ZNF804B: variants seen among roughly 807,000 people sequenced by gnomAD.
The protein encoded by ZNF804B is zinc finger protein 804B, also known as zinc finger 804B.
A neutral mutation model predicts 101.4 loss-of-function variants in ZNF804B; 80 were observed. The observed-to-expected ratio is 0.79, with a 90% CI of 0.66 to 0.95. The LOEUF (loss-of-function observed/expected upper bound fraction) is 0.95. ZNF804B is among the 40% of genes least tolerant of loss of function. The pLI, the probability that ZNF804B is intolerant of heterozygous loss-of-function variation, is 0.00. For synonymous variants in ZNF804B, 622 were observed against 558.8 expected (o/e 1.11, Z -1.59); for missense variants, 1,673 against 1,561.9 (o/e 1.07, Z -1.20).
chr7:89,228,526 G>T (rs1789132540), intron 2 of ZNF804B, among the ~76,000 whole-genome samples: 1 of 152,122 alleles, frequency 6.6e-6, no homozygotes, highest in Non-Finnish European at 1.5e-5. Context: ...TACCAGAGTA[G>T]CTAGATACAG....
intron 1 of ZNF804B, among the ~76,000 whole-genome samples, chr7:88,782,237 T>G (rs1238620583): frequency 6.6e-6 from 1 of 151,622 alleles, no homozygotes; most frequent in Non-Finnish European, 1.5e-5. Flanking sequence ...TATGGAAAGA[T>G]ACACTCTGAG....
chr7:88,827,353 G>A lies in ZNF804B; in HGVS notation c.108+67269G>A, dbSNP rs1430873554. ...TTTAAATTCTGATCTATGCTATCTT[G>A]GAAAACATTCAGCTTAAAATATTTG... is the stretch of plus-strand genomic sequence containing the variant. On this transcript the variant is annotated intron_variant, in intron 1 of 3. Transcript: ENST00000333190. 4.0e-5 allele frequency among the ~76,000 whole-genome samples: 6 copies of A among 150,888 alleles called. No homozygotes were observed. In the South Asian group the frequency reaches 1.0e-3, roughly 26 times the overall value.
chr7:89,334,782 C>G lies in ZNF804B; in HGVS notation c.1800C>G (p.Asn600Lys). 1 of 1,613,792 alleles carries G rather than the reference C, an allele frequency of 6.2e-7. No individual in the cohort carries two copies. The change falls in exon 4 of 4, where the codon AAC becomes AAG. Residue 600 changes from asparagine to lysine, a missense_variant. By Grantham distance (94) the Asn-to-Lys change is moderately conservative. Transcript: ENST00000333190. ...DCAGKNNSSENKLKEASRAHW... is the reference protein window; with the variant it reads ...DCAGKNNSSEKKLKEASRAHW... ...CTGGAAAGAATAATAGTAGTGAGAA[C>G]AAACTTAAGGAAGCTTCAAGGGCCC... is the stretch of plus-strand genomic sequence containing the variant.
chr7:89,330,867 A>C (rs954468487), intron 3 of ZNF804B, among the ~76,000 whole-genome samples: 43 of 151,234 alleles, frequency 2.8e-4, no homozygotes, highest in Non-Finnish European at 5.5e-4. Context: ...TAAAAAGAAG[A>C]AGCTTGCATA....
chr7:89,275,719 G>A (rs1314987192), intron 2 of ZNF804B, among the ~76,000 whole-genome samples: 2 of 151,818 alleles, frequency 1.3e-5, no homozygotes, highest in Non-Finnish European at 2.9e-5. Flanking sequence ...ACCATTTTAA[G>A]TAGATTTTAT....
chr7:89,120,094 C>A (rs1790377232), intron 1 of ZNF804B, among the ~76,000 whole-genome samples: 1 of 152,018 alleles, frequency 6.6e-6, no homozygotes, highest in Non-Finnish European at 1.5e-5. Flanking sequence ...CTGTCAGGGG[C>A]ACCTTTATCA....
intron 1 of ZNF804B, among the ~76,000 whole-genome samples, chr7:88,939,877 A>C (rs1343100582): frequency 1.3e-5 from 2 of 152,092 alleles, no homozygotes; most frequent in Non-Finnish European, 1.5e-5. Context: ...ATTTTGCATT[A>C]TAATCCCAAA....
chr7:89,058,848 C>T (rs1789334340), intron 1 of ZNF804B, among the ~76,000 whole-genome samples: 1 of 152,142 alleles, frequency 6.6e-6, no homozygotes, highest in Non-Finnish European at 1.5e-5. Context: ...CCTGTGCCAC[C>T]ATATCCAGCT....
intron 1 of ZNF804B, among the ~76,000 whole-genome samples, chr7:89,057,196 T>A (rs1247619486): frequency 6.6e-6 from 1 of 152,104 alleles, no homozygotes; most frequent in Non-Finnish European, 1.5e-5. Context: ...TAAACAGTCT[T>A]ATGACCCCAG....
chr7:89,037,503 CT>C lies in ZNF804B; in HGVS notation c.109-180650del, dbSNP rs1194915691. Among the ~76,000 whole-genome samples, 6 of 151,522 alleles carry C rather than the reference CT, an allele frequency of 4.0e-5. No homozygotes were observed. In the South Asian group the frequency reaches 1.3e-3, roughly 32 times the overall value. On this transcript the variant is annotated intron_variant, in intron 1 of 3. Transcript: ENST00000333190. ...ATGTATATATTTATTTTTACCTAGC[CT>C]TATTGACCTATAATTGACAAATGAA...
At chr7:89,052,383 G>C (rs1789220350) in intron 1 of ZNF804B, among the ~76,000 whole-genome samples, 1 of 152,004 alleles carries the variant, frequency 6.6e-6, no homozygotes, top group African/African-American at 2.4e-5. Context: ...TAAATTACAG[G>C]ATAACCAAAG....
chr7:88,977,372 T>TC (rs1249430354), intron 1 of ZNF804B, among the ~76,000 whole-genome samples: 1 of 151,472 alleles, frequency 6.6e-6, no homozygotes, highest in East Asian at 1.9e-4. Flanking sequence ...AGCCATCAGA[T>TC]CCTGAGTTTT....
At chr7:88,894,466 C>T (rs1266930245) in intron 1 of ZNF804B, among the ~76,000 whole-genome samples, 1 of 152,090 alleles carries the variant, frequency 6.6e-6, no homozygotes, top group Non-Finnish European at 1.5e-5. Flanking sequence ...CCCACGTCAG[C>T]CTCCCAAAGT....
At chr7:89,295,349 T>C (rs1265765427) in intron 2 of ZNF804B, among the ~76,000 whole-genome samples, 1 of 152,182 alleles carries the variant, frequency 6.6e-6, no homozygotes, top group Non-Finnish European at 1.5e-5. Context: ...CTGCAGTGAC[T>C]CACCTTTCAG....
chr7:88,805,770 T>C (rs1790676666), intron 1 of ZNF804B, among the ~76,000 whole-genome samples: 1 of 152,262 alleles, frequency 6.6e-6, no homozygotes, highest in South Asian at 2.1e-4. Flanking sequence ...TCATCATGAA[T>C]GCCTCTCTGG....
chr7:89,279,414 A>T (rs1254690019), intron 2 of ZNF804B, among the ~76,000 whole-genome samples: 1 of 150,744 alleles, frequency 6.6e-6, no homozygotes, highest in Non-Finnish European at 1.5e-5. Context: ...GAGAGAGGGC[A>T]TCCCTGTCTT....
At chr7:89,195,597 A>T (rs1788534580) in intron 1 of ZNF804B, among the ~76,000 whole-genome samples, 1 of 151,782 alleles carries the variant, frequency 6.6e-6, no homozygotes, top group Admixed American at 6.6e-5. Flanking sequence ...CAATTGCTTC[A>T]AAGAGAATAA....
At chr7:88,956,901 A>C (rs1012083950) in intron 1 of ZNF804B, among the ~76,000 whole-genome samples, 1 of 151,478 alleles carries the variant, frequency 6.6e-6, no homozygotes, top group African/African-American at 2.4e-5. Flanking sequence ...TTTCAGACAG[A>C]GCAAACTGTG....
chr7:89,049,806 GT>G (rs1789166248), intron 1 of ZNF804B, among the ~76,000 whole-genome samples: 1 of 152,070 alleles, frequency 6.6e-6, no homozygotes, highest in African/African-American at 2.4e-5. Flanking sequence ...AAAGTCAGAG[GT>G]TCAAGACAAG....
Sources: gnomAD v4.1 joint callset for allele counts (sites outside exome capture counted in the v4.1 genomes callset) on GRCh38, gnomAD v4.1.1 for gene constraint, MANE v1.5 for transcripts, NCBI Gene and HGNC (gene_info 2026-07-23, HGNC 2026-07-21) for gene names.